Variants in PRKCA observed in about 807,000 individuals in gnomAD.
PRKCA encodes the protein protein kinase C alpha.
A neutral mutation model predicts 87.0 loss-of-function variants in PRKCA; 27 were observed. The ratio of observed to expected loss-of-function variants is 0.31; its 90% CI spans 0.23 to 0.43. The LOEUF (loss-of-function observed/expected upper bound fraction) is 0.43, where lower values mean the gene tolerates loss of function less well. Ranked by LOEUF, PRKCA falls within the 20% of genes least tolerant of loss-of-function variation. The pLI, the probability that PRKCA is intolerant of heterozygous loss-of-function variation, is 1.00. For synonymous variants in PRKCA, 329 were observed against 311.1 expected (o/e 1.06, Z -0.61); for missense variants, 518 against 852.3 (o/e 0.61, Z 4.88).
At chr17:66,457,139 A>G (rs1914609282) in intron 2 of PRKCA, among the ~76,000 whole-genome samples, 1 of 152,192 alleles carries the variant, frequency 6.6e-6, no homozygotes, top group South Asian at 2.1e-4. Flanking sequence ...AATTTAAGGG[A>G]TAGACTCATC....
chr17:66,792,056 G>GT lies in PRKCA; in HGVS notation c.1854+3078dup, dbSNP rs1240183181. Among the ~76,000 whole-genome samples the GT allele has an allele frequency of 1.3e-5, 2 of 152,192 alleles. No homozygotes were observed. The highest frequency in any genetic ancestry group is 2.9e-5 in the Non-Finnish European group (2 of 68,028). Reference sequence around the variant, plus strand: ...TGTCACACAGCTAGCGACTCTCACCGTGAGCCCATTTCTGAGTGGCTCTCG... The same window carrying GT: ...TGTCACACAGCTAGCGACTCTCACCGTTGAGCCCATTTCTGAGTGGCTCTCG... On this transcript the variant is annotated intron_variant, in intron 16 of 16. Coordinates refer to ENST00000413366, the MANE Select transcript of PRKCA (RefSeq NM_002737.3). The surrounding 1 kb of genome is among the most constrained non-coding windows in gnomAD (Gnocchi z 4.5).
chr17:66,443,678 TGGTA>T (rs1182918466), intron 2 of PRKCA, among the ~76,000 whole-genome samples: 1 of 152,136 alleles, frequency 6.6e-6, no homozygotes, highest in Non-Finnish European at 1.5e-5. Flanking sequence ...TGCTACTGAA[TGGTA>T]GTCCTCACGA....
intron 2 of PRKCA, among the ~76,000 whole-genome samples, chr17:66,315,071 G>A (rs895550123): frequency 6.6e-6 from 1 of 152,044 alleles, no homozygotes; most frequent in African/African-American, 2.4e-5. Flanking sequence ...ACACAAGTTC[G>A]TGTGTGGTTG....
chr17:66,537,599 A>G (rs1319141023), intron 3 of PRKCA, among the ~76,000 whole-genome samples: 1 of 152,246 alleles, frequency 6.6e-6, no homozygotes, highest in East Asian at 1.9e-4. Flanking sequence ...GTCATGAGAC[A>G]CAAATCTGAT....
chr17:66,429,827 A>G (rs1913009029), intron 2 of PRKCA, among the ~76,000 whole-genome samples: 1 of 152,164 alleles, frequency 6.6e-6, no homozygotes, highest in African/African-American at 2.4e-5. Flanking sequence ...AAGTTACTAT[A>G]GGAATGCTGG....
At chr17:66,538,902 G>C (rs1967881900) in intron 3 of PRKCA, among the ~76,000 whole-genome samples, 1 of 152,188 alleles carries the variant, frequency 6.6e-6, no homozygotes, top group South Asian at 2.1e-4. Flanking sequence ...CGCCATTTCT[G>C]CTGACCACAT....
chr17:66,461,222 AAG>A (rs1491017265), intron 2 of PRKCA, among the ~76,000 whole-genome samples: 2 of 151,116 alleles, frequency 1.3e-5, no homozygotes, highest in African/African-American at 4.9e-5. Flanking sequence ...AAAAAAAAAA[AAG>A]AAAAGAAAAT....
At chr17:66,402,835 GA>G (rs1398599782) in intron 2 of PRKCA, among the ~76,000 whole-genome samples, 3 of 152,212 alleles carry the variant, frequency 2.0e-5, no homozygotes, top group Non-Finnish European at 4.4e-5. Flanking sequence ...AAAGCTTTGT[GA>G]AATTTGTTTT....
intron 2 of PRKCA, among the ~76,000 whole-genome samples, chr17:66,337,138 T>A (rs928416765): frequency 2.6e-5 from 4 of 151,954 alleles, no homozygotes; most frequent in Non-Finnish European, 5.9e-5. Context: ...TTAGATCATT[T>A]TTTTCCTCCG....
chr17:66,680,482 A>C (rs1233797861), intron 5 of PRKCA, among the ~76,000 whole-genome samples: 1 of 152,220 alleles, frequency 6.6e-6, no homozygotes, highest in Non-Finnish European at 1.5e-5. Flanking sequence ...AAGTAATAAA[A>C]ACAGAGAATT....
chr17:66,362,783 C>T (rs904231797), intron 2 of PRKCA, among the ~76,000 whole-genome samples: 2 of 151,996 alleles, frequency 1.3e-5, no homozygotes, highest in Non-Finnish European at 2.9e-5. Flanking sequence ...CGACCTCTGC[C>T]TCCCAGGTTC....
intron 8 of PRKCA, among the ~76,000 whole-genome samples, chr17:66,697,513 A>G (rs1285886988): frequency 1.3e-5 from 2 of 152,226 alleles, no homozygotes; most frequent in Non-Finnish European, 2.9e-5. Flanking sequence ...GCTCAGAGCC[A>G]AGAGAGACTC....
At chr17:66,353,789 G>A (rs920191205) in intron 2 of PRKCA, among the ~76,000 whole-genome samples, 6 of 152,170 alleles carry the variant, frequency 3.9e-5, no homozygotes, top group African/African-American at 1.4e-4. Flanking sequence ...GAATTAAGAT[G>A]GTCTGAGATT....
chr17:66,491,735 C>T (rs374629118), intron 2 of PRKCA, among the ~76,000 whole-genome samples: 3 of 152,208 alleles, frequency 2.0e-5, no homozygotes, highest in African/African-American at 7.2e-5. Context: ...TTTCCTCTTT[C>T]AACAATGCTA....
intron 3 of PRKCA, among the ~76,000 whole-genome samples, chr17:66,616,635 AC>A (rs1435128843): frequency 1.3e-5 from 2 of 152,190 alleles, no homozygotes; most frequent in African/African-American, 4.8e-5. Context: ...GCCCCCAGCT[AC>A]CAGAGCCCAT....
chr17:66,350,497 A>G (rs772810200), intron 2 of PRKCA, among the ~76,000 whole-genome samples: 1 of 152,094 alleles, frequency 6.6e-6, no homozygotes, highest in Non-Finnish European at 1.5e-5. Context: ...AATTCTGTTC[A>G]TTTGTGTTTG....
Position 66,735,943 on chromosome 17 carries a change from C to T in PRKCA, c.1230+281C>T, listed in dbSNP as rs1439020965. The stretch of plus-strand genomic sequence containing the variant: ...TTCTTTTTTTTTTTTTTTTTTGAGA[C>T]AGGATCTCACTCTCTCGCCCAGGCT... On this transcript the variant is annotated intron_variant, in intron 10 of 16. Transcript: ENST00000413366. Among the ~76,000 whole-genome samples, 15 of 120,462 alleles carry T rather than the reference C, an allele frequency of 1.2e-4. 1 individual carries two copies. Among genetic ancestry groups the T allele is most frequent in the South Asian group, 1.1e-3 (4 of 3,656 alleles). 79.0% of individuals were successfully genotyped at this position (120,462 alleles called of 152,430 possible). A position where few individuals can be genotyped will look rare whatever the true frequency, so the allele number is the denominator to read the frequency against.
At chr17:66,334,380 AT>A (rs1009665019) in intron 2 of PRKCA, among the ~76,000 whole-genome samples, 7 of 151,766 alleles carry the variant, frequency 4.6e-5, no homozygotes, top group African/African-American at 1.4e-4. Context: ...GTGTGTGCTT[AT>A]TTTTTTTTCC....
chr17:66,609,418 A>C (rs1361738717), intron 3 of PRKCA, among the ~76,000 whole-genome samples: 4 of 152,184 alleles, frequency 2.6e-5, no homozygotes, highest in African/African-American at 4.8e-5. Flanking sequence ...CTATTGAGCA[A>C]ACCGGAGAGA....
Sources: allele counts gnomAD v4.1 joint callset (sites outside exome capture counted in the v4.1 genomes callset), GRCh38; gene constraint gnomAD v4.1.1; non-coding constraint Gnocchi (gnomAD v3.1); transcripts MANE v1.5; gene names NCBI Gene and HGNC (gene_info 2026-07-23, HGNC 2026-07-21).